ADGRG6: variants seen among roughly 807,000 people sequenced by gnomAD.
The protein encoded by ADGRG6 is adhesion G protein-coupled receptor G6.
In ADGRG6, 84 loss-of-function variants were observed where a neutral mutation model predicts 142.4. The observed-to-expected ratio is 0.59, with a 90% CI of 0.49 to 0.71. ADGRG6 has a LOEUF of 0.71. ADGRG6 is among the 30% of genes least tolerant of loss of function. ADGRG6 has a pLI of 0.00. For synonymous variants in ADGRG6, 521 were observed against 520.5 expected, an observed-to-expected ratio of 1.00 and a Z score of -0.01; for missense variants, 1,367 against 1,466.6, an observed-to-expected ratio of 0.93 and a Z score of 1.11.
At chr6:142,426,435 T>G (rs1390825835) in intron 22 of ADGRG6, among the ~76,000 whole-genome samples, 1 of 152,214 alleles carries the variant, frequency 6.6e-6, no homozygotes, top group Non-Finnish European at 1.5e-5. Context: ...GTCACACTGA[T>G]GCAAGAGGTG....
chr6:142,352,829 T>A (rs560387873), intron 2 of ADGRG6, among the ~76,000 whole-genome samples: 54 of 152,176 alleles, frequency 3.5e-4, no homozygotes, highest in Middle Eastern at 6.8e-3. Context: ...ACTTGTCTCT[T>A]CTTATGAATT....
At chr6:142,379,648 T>G (rs1051629358) in intron 4 of ADGRG6, among the ~76,000 whole-genome samples, 2 of 152,134 alleles carry the variant, frequency 1.3e-5, no homozygotes, top group Non-Finnish European at 2.9e-5. Flanking sequence ...GCGCCTGTAG[T>G]CCCAGCTACT....
At chr6:142,409,791 C>T (rs1168449553) in intron 16 of ADGRG6, 83 bp from the exon 17 acceptor site, 11 of 617,192 alleles carry the variant, frequency 1.8e-5, no homozygotes, top group Admixed American at 3.2e-5. Context: ...TTTGTGAAAC[C>T]CTTCGTGTTT....
At chr6:142,369,394 G>A (rs1463586568) in intron 3 of ADGRG6, among the ~76,000 whole-genome samples, 2 of 152,028 alleles carry the variant, frequency 1.3e-5, no homozygotes, top group Non-Finnish European at 2.9e-5. Flanking sequence ...AATTCTTATT[G>A]ACCATATATA....
chr6:142,326,817 G>A (rs1281461173), intron 2 of ADGRG6, among the ~76,000 whole-genome samples: 2 of 152,104 alleles, frequency 1.3e-5, no homozygotes, highest in Non-Finnish European at 2.9e-5. Context: ...GGAGGGGCAT[G>A]AGTGATTAGC....
chr6:142,419,176 A>C (rs1435464722), intron 21 of ADGRG6, among the ~76,000 whole-genome samples: 3 of 152,178 alleles, frequency 2.0e-5, no homozygotes, highest in South Asian at 4.1e-4. Flanking sequence ...CTCTTTGCAC[A>C]TGACAAGAAA....
rs544944255 is a variant in ADGRG6, at chr6:142,315,135, T to C, written c.103+5491T>C. 5.9e-5 allele frequency among the ~76,000 whole-genome samples: 9 copies of C among 152,292 alleles called. No homozygotes were observed. The South Asian group carries it at 1.9e-3, about 32-fold the overall frequency. On this transcript the variant is annotated intron_variant, in intron 2 of 24. Coordinates refer to ENST00000367609, the MANE Select transcript of ADGRG6 (RefSeq NM_198569.3). ...CCTAGAGGTTGGGCGGGTAACTTTC[T>C]TGGACAAGATAAACCTGGGGAGCTG...
rs1365651236 is a variant in ADGRG6, at chr6:142,438,365, G to A, written c.3574+1G>A. The A allele has an allele frequency of 1.9e-6, 3 of 1,599,814 alleles. No homozygotes were observed. The highest frequency in any genetic ancestry group is 4.5e-5 in the East Asian group (2 of 44,388). ...TATTTCAAAAGGAATAGCCACACAG[G>A]TGAGTCTAAAGATGTCCTCAAGTTT... On this transcript the variant is annotated splice_donor_variant, in intron 24 of 24. Coordinates refer to ENST00000367609, the MANE Select transcript of ADGRG6 (RefSeq NM_198569.3). LOFTEE classifies it high-confidence loss of function.
intron 2 of ADGRG6, among the ~76,000 whole-genome samples, chr6:142,358,031 T>C (rs973871189): frequency 1.3e-5 from 2 of 152,256 alleles, no homozygotes; most frequent in African/African-American, 4.8e-5. Context: ...GCTACTTTCA[T>C]GTGCTCAAGA....
intron 2 of ADGRG6, among the ~76,000 whole-genome samples, chr6:142,351,440 A>T (rs1191058399): frequency 1.3e-5 from 2 of 152,168 alleles, no homozygotes; most frequent in Non-Finnish European, 2.9e-5. Context: ...GGTAACAATA[A>T]CAAGCAATGG....
At chr6:142,430,751 C>T (rs1582683538) in intron 22 of ADGRG6, among the ~76,000 whole-genome samples, 1 of 152,308 alleles carries the variant, frequency 6.6e-6, no homozygotes, top group Non-Finnish European at 1.5e-5. Flanking sequence ...ATTGTGTTCT[C>T]TGGTAGATGA....
intron 2 of ADGRG6, among the ~76,000 whole-genome samples, chr6:142,313,325 G>T (rs1306741041): frequency 6.6e-6 from 1 of 151,760 alleles, no homozygotes; most frequent in Admixed American, 6.6e-5. Context: ...CTTTTTTGTG[G>T]CCTAACACTC....
Position 142,359,496 on chromosome 6 carries a change from C to T in ADGRG6, c.104-8073C>T, listed in dbSNP as rs553231978. 4.9e-4 allele frequency among the ~76,000 whole-genome samples: 74 copies of T among 152,302 alleles called. 1 individual carries two copies. In the Middle Eastern group the frequency reaches 0.01, roughly 21 times the overall value. On this transcript the variant is annotated intron_variant, in intron 2 of 24. Coordinates refer to ENST00000367609, the MANE Select transcript of ADGRG6 (RefSeq NM_198569.3). Reference sequence around the variant, plus strand: ...CAGGACACTCTTTTCTGTTTTGTCTCTGCCTTCCTCCTTTACTTGGCTCAC... The same window carrying T: ...CAGGACACTCTTTTCTGTTTTGTCTTTGCCTTCCTCCTTTACTTGGCTCAC...
Position 142,400,384 on chromosome 6 carries a change from C to G in ADGRG6, c.1568-101C>G, listed in dbSNP as rs1775448622. The G allele has an allele frequency of 8.2e-5, 51 of 622,082 alleles. 1 individual carries two copies. The South Asian group carries it at 1.0e-3, about 13-fold the overall frequency. The allele number at this position is 622,082 out of a possible 1,614,324, so 38.5% of individuals were successfully genotyped here. A position where few individuals can be genotyped will look rare whatever the true frequency, so the allele number is the denominator to read the frequency against. Reference sequence around the variant, plus strand: ...TTTTGGTATTACATTAAAGAAATACCTAATTACCAGCATTGTCATTTTGCT... The same window carrying G: ...TTTTGGTATTACATTAAAGAAATACGTAATTACCAGCATTGTCATTTTGCT... On this transcript the variant is annotated intron_variant, in intron 10 of 24. Transcript: ENST00000367609.
At chr6:142,412,087 T>G (rs1315553282) in intron 18 of ADGRG6, among the ~76,000 whole-genome samples, 1 of 152,204 alleles carries the variant, frequency 6.6e-6, no homozygotes, top group East Asian at 1.9e-4. Context: ...CAAAATTAGA[T>G]TGCGTCAATG....
chr6:142,382,616 A>T (rs1394558468), intron 5 of ADGRG6, among the ~76,000 whole-genome samples: 1 of 152,218 alleles, frequency 6.6e-6, no homozygotes, highest in African/African-American at 2.4e-5. Context: ...AATTAAAGTT[A>T]TACAAGTTTT....
At chr6:142,341,383 A>G (rs1163562170) in intron 2 of ADGRG6, among the ~76,000 whole-genome samples, 1 of 126,552 alleles carries the variant, frequency 7.9e-6, no homozygotes, top group South Asian at 2.2e-4. Context: ...TTATATATAT[A>G]CTATATATTA....
chr6:142,383,911 A>G (rs767749150), intron 6 of ADGRG6, 68 bp downstream of exon 6: 1 of 793,542 alleles, frequency 1.3e-6, no homozygotes, highest in Non-Finnish European at 2.2e-6. Context: ...AAGGATGGAA[A>G]TATGTATTAT....
Position 142,400,501 on chromosome 6 carries a change from G to C in ADGRG6, c.1584G>C (p.Met528Ile). 1 of 1,556,790 alleles carries C rather than the reference G, an allele frequency of 6.4e-7. No homozygotes were observed. Among genetic ancestry groups the C allele is most frequent in the Non-Finnish European group, 8.9e-7 (1 of 1,128,678 alleles). The change falls in exon 11 of 25, where the codon ATG (methionine) becomes ATC (isoleucine). Residue 528 changes from methionine to isoleucine, a missense_variant. Around this residue, in one of 3 missense-constraint regions of ADGRG6, gnomAD observed 737 missense variants for 746.5 expected, o/e 0.99. Coordinates refer to ENST00000367609, the MANE Select transcript of ADGRG6 (RefSeq NM_198569.3). ...NVRQLGHCLA[M>I]EEPKGYYWPS... ...TTCATATAGGTCATTGTCTTGCCAT[G>C]GAGGAACCCAAAGGCTACTACTGGC... is the stretch of plus-strand genomic sequence containing the variant.
Sources: allele counts gnomAD v4.1 joint callset (sites outside exome capture counted in the v4.1 genomes callset), GRCh38; gene constraint gnomAD v4.1.1; regional missense constraint gnomAD v4.1.1; transcripts MANE v1.5; gene names NCBI Gene and HGNC (gene_info 2026-07-23, HGNC 2026-07-21).